ZNRF1: variants seen among roughly 807,000 people sequenced by gnomAD.
The protein encoded by ZNRF1 is zinc and ring finger 1, also known as E3 ubiquitin-protein ligase ZNRF1.
A neutral mutation model predicts 18.4 loss-of-function variants in ZNRF1; 3 were observed. That is an observed-to-expected ratio of 0.16 (90% confidence interval 0.07 to 0.42). The LOEUF (loss-of-function observed/expected upper bound fraction) is 0.42, where lower values mean the gene tolerates loss of function less well. Among genes scored for constraint, ZNRF1 ranks in the 10% least tolerant of loss-of-function variants. The pLI, the probability that ZNRF1 is intolerant of heterozygous loss-of-function variation, is 0.99. For missense variants in ZNRF1, 310 were observed against 329.8 expected (o/e 0.94, Z 0.47); for synonymous variants, 157 against 144.2 (o/e 1.09, Z -0.64).
chr16:75,070,658 C>T (rs1449263537), intron 1 of ZNRF1, among the ~76,000 whole-genome samples: 2 of 152,178 alleles, frequency 1.3e-5, no homozygotes, highest in African/African-American at 4.8e-5. Context: ...AACCCTCCCC[C>T]AACCCCGCCC....
chr16:75,040,758 C>T (rs566705505), intron 1 of ZNRF1, among the ~76,000 whole-genome samples: 1 of 151,758 alleles, frequency 6.6e-6, no homozygotes, highest in African/African-American at 2.4e-5. Context: ...GGGTGCGCGC[C>T]ACCATGCCCA....
At chr16:75,100,223 CAG>C (rs1013393508) in intron 2 of ZNRF1, among the ~76,000 whole-genome samples, 3 of 152,234 alleles carry the variant, frequency 2.0e-5, no homozygotes, top group African/African-American at 7.2e-5. Context: ...ACCAGTGCAG[CAG>C]ACTCAGGCCA....
chr16:75,025,435 C>T (rs982103289), intron 1 of ZNRF1, among the ~76,000 whole-genome samples: 1 of 152,136 alleles, frequency 6.6e-6, no homozygotes, highest in African/African-American at 2.4e-5. Flanking sequence ...AATCTATTCA[C>T]AGCACACTTC....
intron 1 of ZNRF1, among the ~76,000 whole-genome samples, chr16:75,049,935 T>C (rs1457036109): frequency 2.6e-5 from 4 of 151,820 alleles, no homozygotes; most frequent in Admixed American, 2.6e-4. Context: ...AGATAACTGT[T>C]CCACTACCTC....
At chr16:75,075,839 A>G (rs1014915591) in intron 1 of ZNRF1, among the ~76,000 whole-genome samples, 1 of 152,102 alleles carries the variant, frequency 6.6e-6, no homozygotes, top group Non-Finnish European at 1.5e-5. Context: ...CGTGGAAAGG[A>G]TGGTTTTAGA....
chr16:75,055,228 C>G lies in ZNRF1; in HGVS notation c.425-38344C>G, dbSNP rs991004860. ...AATGCTTTCTAAAGGAACTGTTTCT[C>G]AGGTTTAAATAAAGTGGCAACACTG... On this transcript the variant is annotated intron_variant, in intron 1 of 4. Coordinates refer to ENST00000335325, the MANE Select transcript of ZNRF1 (RefSeq NM_032268.5). 7.9e-5 allele frequency among the ~76,000 whole-genome samples: 12 copies of G among 152,194 alleles called. No individual in the cohort carries two copies. The East Asian group carries it at 1.3e-3, about 17-fold the overall frequency.
intron 1 of ZNRF1, chr16:75,002,343 A>G (rs1418672828): frequency 6.6e-6 from 1 of 152,192 alleles, no homozygotes; most frequent in African/African-American, 2.4e-5. Context: ...GCAAGAAGCA[A>G]AACTTGTTTC....
rs371178762 is a variant in ZNRF1 at position 75,100,381 on chromosome 16, C to T, written c.521-4403C>T. On this transcript the variant is annotated intron_variant, in intron 2 of 4. Coordinates refer to ENST00000335325, the MANE Select transcript of ZNRF1 (RefSeq NM_032268.5). ...AGGACAAGAAGAATCGCCCTCGCGC[C>T]CCCTTCCCCTTCCCCTTCCCTTTCC... Among the ~76,000 whole-genome samples, 20 of 148,072 alleles carry T rather than the reference C, an allele frequency of 1.4e-4. 2 individuals are homozygous for T. The highest frequency in any genetic ancestry group is 1.0e-3 in the South Asian group (5 of 4,824).
intron 1 of ZNRF1, among the ~76,000 whole-genome samples, chr16:75,069,593 T>C (rs1406203514): frequency 3.3e-5 from 5 of 152,220 alleles, no homozygotes; most frequent in Admixed American, 2.0e-4. Flanking sequence ...TTTGTATTTT[T>C]AGTAGAGATG....
At position 75,076,789 on chromosome 16, in the gene ZNRF1, C is replaced by T. The variant is rs372534234; in HGVS notation, c.425-16783C>T. Reference sequence around the variant, plus strand: ...GGAGATAAGTGAGTTTAGAAGAGGTCGTGAGTGTGGTGCCTTTATGATGGA... The same window carrying T: ...GGAGATAAGTGAGTTTAGAAGAGGTTGTGAGTGTGGTGCCTTTATGATGGA... On this transcript the variant is annotated intron_variant, in intron 1 of 4. Transcript: ENST00000335325. Among the ~76,000 whole-genome samples, 65 of 151,458 alleles carry T rather than the reference C, an allele frequency of 4.3e-4. 2 individuals are homozygous for T. Among genetic ancestry groups the T allele is most frequent in the African/African-American group, 1.5e-3 (62 of 41,326 alleles).
chr16:74,999,513 GTTTTTTCCTTTTTTCC>G lies in ZNRF1; in HGVS notation c.-154_-139del, dbSNP rs1426409277. 7 of 513,584 alleles carry G rather than the reference GTTTTTTCCTTTTTTCC, an allele frequency of 1.4e-5. No individual in the cohort carries two copies. Among genetic ancestry groups the G allele is most frequent in the Non-Finnish European group, 2.1e-5 (7 of 327,398 alleles). 31.8% of individuals were successfully genotyped at this position (513,584 alleles called of 1,614,324 possible). A position where few individuals can be genotyped will look rare whatever the true frequency, so the allele number is the denominator to read the frequency against. On this transcript the variant is annotated 5_prime_UTR_variant, in exon 1 of 5. Coordinates refer to ENST00000335325, the MANE Select transcript of ZNRF1 (RefSeq NM_032268.5). ...CCCGCCTGCCTCTTCCGCCCCGCGG[GTTTTTTCCTTTTTTCC>G]TTTTGCTTTTTTTCCTTTTCTCCCT...
intron 1 of ZNRF1, among the ~76,000 whole-genome samples, chr16:75,072,910 T>C (rs1255003808): frequency 6.6e-6 from 1 of 152,188 alleles, no homozygotes; most frequent in Non-Finnish European, 1.5e-5. Context: ...GAGATGCAGA[T>C]ACTGTGTTGG....
chr16:75,050,704 T>TA (rs1177642859), intron 1 of ZNRF1, among the ~76,000 whole-genome samples: 216 of 148,282 alleles, frequency 1.5e-3, no homozygotes, highest in Non-Finnish European at 2.2e-3. Context: ...CCGTCTCTAC[T>TA]AAAAAAATAC....
chr16:75,010,951 C>T (rs4598936), intron 1 of ZNRF1, among the ~76,000 whole-genome samples: 62,639 of 151,968 alleles, frequency 0.41, 15,204 homozygotes, highest in Non-Finnish European at 0.55. Flanking sequence ...TCAAGTGATC[C>T]GCCCACCTTG....
chr16:75,108,375 GT>G lies in ZNRF1; in HGVS notation c.*677del. ...CCTTCTTTCCTCCTGGTTCCGGTCA[GT>G]TCAGAGGATTTAACAATCACAAGTG... On this transcript the variant is annotated 3_prime_UTR_variant, in exon 5 of 5. Transcript: ENST00000335325. 2.6e-6 allele frequency: 1 copy of G among 388,934 alleles called. No homozygotes were observed. The highest frequency in any genetic ancestry group is 4.5e-6 in the Non-Finnish European group (1 of 221,242). The allele number at this position is 388,934 out of a possible 1,614,324, so 24.1% of individuals were successfully genotyped here.
intron 2 of ZNRF1, among the ~76,000 whole-genome samples, chr16:75,102,717 C>T (rs963112852): frequency 1.3e-5 from 2 of 152,328 alleles, no homozygotes; most frequent in African/African-American, 4.8e-5. Flanking sequence ...CTGTTCCAAA[C>T]CTCAGCTCTA....
chr16:75,029,168 A>G (rs2035265820), intron 1 of ZNRF1, among the ~76,000 whole-genome samples: 1 of 139,276 alleles, frequency 7.2e-6, no homozygotes, highest in Non-Finnish European at 1.5e-5. Flanking sequence ...TATTTTTGAG[A>G]CGGAGTCTCG....
intron 1 of ZNRF1, among the ~76,000 whole-genome samples, chr16:75,030,642 GCT>G (rs2035289334): frequency 6.6e-6 from 1 of 151,966 alleles, no homozygotes; most frequent in Non-Finnish European, 1.5e-5. Flanking sequence ...ATTAGCAGTA[GCT>G]CTGTTTTCCT....
At chr16:75,095,475 T>G (rs1249557424) in intron 2 of ZNRF1, 5 of 1,051,682 alleles carry the variant, frequency 4.8e-6, no homozygotes, top group African/African-American at 1.6e-5. Flanking sequence ...CTCACAGCCC[T>G]CCCTAGCCAT....
Sources: allele counts gnomAD v4.1 joint callset (sites outside exome capture counted in the v4.1 genomes callset), GRCh38; gene constraint gnomAD v4.1.1; transcripts MANE v1.5; gene names NCBI Gene and HGNC (gene_info 2026-07-23, HGNC 2026-07-21).